The following GRM8 variants were observed in gnomAD, a reference collection of about 807,000 sequenced individuals.
GRM8 encodes the protein glutamate metabotropic receptor 8, also known as metabotropic glutamate receptor 8.
GRM8 carries 47 observed loss-of-function variants against 87.2 expected under a neutral mutation model. That is an observed-to-expected ratio of 0.54 (90% CI 0.43 to 0.69). GRM8 has a LOEUF of 0.69. GRM8 is among the 30% of genes least tolerant of loss of function. GRM8 has a pLI of 0.00. For synonymous variants in GRM8, 396 were observed against 404.5 expected (o/e 0.98, Z 0.25); for missense variants, 1,019 against 1,139.2 (o/e 0.89, Z 1.52).
At chr7:127,093,106 T>C (rs2132930574) in intron 3 of GRM8, among the ~76,000 whole-genome samples, 1 of 152,360 alleles carries the variant, frequency 6.6e-6, no homozygotes, top group South Asian at 2.1e-4. Context: ...GTTATTATGA[T>C]AGATGTAGGC....
At chr7:127,006,960 T>C (rs982798060) in intron 3 of GRM8, among the ~76,000 whole-genome samples, 14 of 152,134 alleles carry the variant, frequency 9.2e-5, no homozygotes, top group Admixed American at 5.2e-4. Flanking sequence ...TTTCCTTCTT[T>C]CTTAGTAACA....
intron 8 of GRM8, among the ~76,000 whole-genome samples, chr7:126,552,108 T>C (rs907535244): frequency 5.3e-5 from 8 of 152,186 alleles, no homozygotes; most frequent in Non-Finnish European, 1.2e-4. Context: ...AACACACTAC[T>C]ATTTCTTCAA....
chr7:126,941,202 C>T (rs1247561303), intron 3 of GRM8, among the ~76,000 whole-genome samples: 2 of 152,092 alleles, frequency 1.3e-5, no homozygotes, highest in Non-Finnish European at 2.9e-5. Context: ...ATCCAGTGGA[C>T]GTTTTCAATC....
At chr7:126,674,607 A>G (rs1020579291) in intron 7 of GRM8, among the ~76,000 whole-genome samples, 2 of 152,170 alleles carry the variant, frequency 1.3e-5, no homozygotes, top group Non-Finnish European at 2.9e-5. Context: ...AAAAATAACT[A>G]TAATTTAATG....
chr7:126,649,804 A>G (rs757283731), intron 7 of GRM8, among the ~76,000 whole-genome samples: 3 of 152,182 alleles, frequency 2.0e-5, no homozygotes, highest in Non-Finnish European at 4.4e-5. Flanking sequence ...GGTGTCCAGA[A>G]CAGGAGAAGG....
At chr7:127,245,393 A>G (rs1433130928) in intron 1 of GRM8, among the ~76,000 whole-genome samples, 2 of 152,212 alleles carry the variant, frequency 1.3e-5, no homozygotes, top group Non-Finnish European at 2.9e-5. Flanking sequence ...GGGTCTTGGG[A>G]CCACCTTTCC....
chr7:126,476,950 A>G (rs1339049793), intron 9 of GRM8, among the ~76,000 whole-genome samples: 1 of 152,182 alleles, frequency 6.6e-6, no homozygotes, highest in Non-Finnish European at 1.5e-5. Flanking sequence ...TATTCATTGC[A>G]GCATTATTCA....
At chr7:127,242,549 T>C (rs1798368202) in intron 2 of GRM8, 146 bp downstream of exon 2, 2 of 666,340 alleles carry the variant, frequency 3.0e-6, no homozygotes, top group East Asian at 2.6e-5. Context: ...ATGCCCCATA[T>C]AGAATGTCCC....
chr7:127,077,287 C>A (rs1822384208), intron 3 of GRM8, among the ~76,000 whole-genome samples: 1 of 152,148 alleles, frequency 6.6e-6, no homozygotes. Flanking sequence ...AGTAATATTT[C>A]TCTAACTGGC....
At chr7:126,731,220 C>T (rs911010442) in intron 7 of GRM8, among the ~76,000 whole-genome samples, 1 of 151,982 alleles carries the variant, frequency 6.6e-6, no homozygotes, top group Non-Finnish European at 1.5e-5. Flanking sequence ...CATAGAGAAG[C>T]CATTTTATTC....
Position 126,708,620 on chromosome 7 carries a change from C to T in GRM8, c.1357+61245G>A, listed in dbSNP as rs147029745. On this transcript the variant is annotated intron_variant, in intron 7 of 10. Transcript: ENST00000339582. Reference sequence around the variant, plus strand: ...ATATATATATGGAGGCTGAATAGTACATACAGTAGAGTACTATTCTAAGGA... The same window carrying T: ...ATATATATATGGAGGCTGAATAGTATATACAGTAGAGTACTATTCTAAGGA... Among the ~76,000 whole-genome samples the T allele has an allele frequency of 2.8e-3, 428 of 151,320 alleles. 7 individuals are homozygous for T. The highest frequency in any genetic ancestry group is 9.9e-3 in the African/African-American group (407 of 41,302).
chr7:127,116,206 T>C (rs1826689582), intron 2 of GRM8, among the ~76,000 whole-genome samples: 1 of 152,226 alleles, frequency 6.6e-6, no homozygotes, highest in Admixed American at 6.5e-5. Flanking sequence ...TTTGCCTTTT[T>C]AAAAAATTGA....
At chr7:126,615,594 G>A (rs28861998) in intron 7 of GRM8, among the ~76,000 whole-genome samples, 3,136 of 152,250 alleles carry the variant, frequency 0.021, 123 homozygotes, top group African/African-American at 0.072. Context: ...TGGATAAAGA[G>A]TCAAGACTGA....
intron 6 of GRM8, among the ~76,000 whole-genome samples, chr7:126,784,531 T>TG (rs1371969303): frequency 6.6e-6 from 1 of 152,146 alleles, no homozygotes; most frequent in African/African-American, 2.4e-5. Context: ...ACCAAGGACT[T>TG]GGAGAGAAAA....
chr7:126,505,684 GA>G (rs1264264448), intron 9 of GRM8, among the ~76,000 whole-genome samples: 1 of 152,026 alleles, frequency 6.6e-6, no homozygotes. Flanking sequence ...TGCTTTTTAA[GA>G]ACAGCTTGTT....
intron 6 of GRM8, among the ~76,000 whole-genome samples, chr7:126,852,142 G>T (rs987257759): frequency 1.3e-5 from 2 of 152,192 alleles, no homozygotes; most frequent in Middle Eastern, 3.4e-3. Flanking sequence ...TACCTGTCGT[G>T]TATGCTCAAG....
In GRM8 at chr7:127,097,714, C is replaced by T. The variant is rs573080901; in HGVS notation, c.727+8782G>A. 2.2e-3 allele frequency among the ~76,000 whole-genome samples: 329 copies of T among 152,264 alleles called. 5 individuals carry two copies. Among genetic ancestry groups the T allele is most frequent in the African/African-American group, 7.5e-3 (311 of 41,538 alleles). ...TTGAATTATTACTGAGCAGACAGGG[C>T]ATCCATTTTACAGACAAGGAAATTA... is the stretch of plus-strand genomic sequence containing the variant. On this transcript the variant is annotated intron_variant, in intron 3 of 10. Coordinates refer to ENST00000339582, the MANE Select transcript of GRM8 (RefSeq NM_000845.3).
chr7:126,679,408 A>G (rs1311771603), intron 7 of GRM8, among the ~76,000 whole-genome samples: 1 of 152,226 alleles, frequency 6.6e-6, no homozygotes, highest in Non-Finnish European at 1.5e-5. Flanking sequence ...AAATTAGTAC[A>G]GAATTTAAGG....
intron 7 of GRM8, among the ~76,000 whole-genome samples, chr7:126,716,541 G>C (rs1811765065): frequency 1.3e-5 from 2 of 152,124 alleles, no homozygotes; most frequent in Admixed American, 1.3e-4. Context: ...ATGACTTCAT[G>C]ATGCATCACT....
Sources: gnomAD v4.1 joint callset for allele counts (sites outside exome capture counted in the v4.1 genomes callset) on GRCh38, gnomAD v4.1.1 for gene constraint, MANE v1.5 for transcripts, NCBI Gene and HGNC (gene_info 2026-07-23, HGNC 2026-07-21) for gene names.